The following RORA variants were observed in gnomAD, a reference collection of about 807,000 sequenced individuals.
RORA encodes nuclear receptor ROR-alpha.
Under a neutral mutation model 69.5 loss-of-function variants are expected in RORA, and 7 were observed. That is an observed-to-expected ratio of 0.10 (90% CI 0.06 to 0.19). The LOEUF is 0.19. Ranked by LOEUF, RORA falls within the 10% of genes least tolerant of loss-of-function variation. RORA has a pLI of 1.00. For missense variants in RORA, 457 were observed against 663.0 expected (o/e 0.69, Z 3.41); for synonymous variants, 261 against 240.8 (o/e 1.08, Z -0.78).
intron 2 of RORA, among the ~76,000 whole-genome samples, chr15:60,655,676 T>C (rs2070211504): frequency 6.6e-6 from 1 of 152,192 alleles, no homozygotes; most frequent in Non-Finnish European, 1.5e-5. Context: ...CTACCTTCTC[T>C]GTCTCTTTGG....
At chr15:60,507,589 T>G (rs1363763685) in intron 5 of RORA, among the ~76,000 whole-genome samples, 1 of 152,114 alleles carries the variant, frequency 6.6e-6, no homozygotes, top group African/African-American at 2.4e-5. Flanking sequence ...AAATTACATG[T>G]CTTAGAATCA....
At chr15:60,676,202 T>A (rs566856004) in intron 2 of RORA, among the ~76,000 whole-genome samples, 1 of 152,194 alleles carries the variant, frequency 6.6e-6, no homozygotes, top group African/African-American at 2.4e-5. Context: ...GTGACTGTTA[T>A]TAGAGAAAAA....
intron 2 of RORA, chr15:60,615,087 C>G (rs930585169): frequency 1.5e-5 from 23 of 1,579,566 alleles, no homozygotes; most frequent in Non-Finnish European, 2.0e-5. Context: ...CTTCCTAGAA[C>G]CTGGTGGTGG....
intron 2 of RORA, among the ~76,000 whole-genome samples, chr15:60,658,452 A>C (rs1050375569): frequency 6.6e-6 from 1 of 152,216 alleles, no homozygotes; most frequent in African/African-American, 2.4e-5. Flanking sequence ...ATTTCTTAGG[A>C]ATCTGATGGA....
At chr15:60,524,643 T>C (rs2066287412) in intron 3 of RORA, among the ~76,000 whole-genome samples, 1 of 152,214 alleles carries the variant, frequency 6.6e-6, no homozygotes, top group Non-Finnish European at 1.5e-5. Flanking sequence ...GTCTACCTTT[T>C]CCAGGGCCTG....
intron 1 of RORA, among the ~76,000 whole-genome samples, chr15:61,170,634 T>C (rs2079577230): frequency 1.3e-5 from 2 of 152,186 alleles, no homozygotes; most frequent in Non-Finnish European, 2.9e-5. Context: ...AAAACCATTA[T>C]GAAAATATAA....
chr15:60,996,997 G>T (rs557405131), intron 1 of RORA, among the ~76,000 whole-genome samples: 19 of 152,062 alleles, frequency 1.2e-4, no homozygotes, highest in African/African-American at 4.6e-4. Flanking sequence ...AGTCCACAGT[G>T]GGTCAAAAAT....
chr15:60,581,350 G>C (rs181925437), intron 2 of RORA, among the ~76,000 whole-genome samples: 8 of 152,122 alleles, frequency 5.3e-5, no homozygotes, highest in Non-Finnish European at 1.0e-4. Flanking sequence ...TCTGTTTTAC[G>C]AGATTTTGCT....
rs1479522444 is a variant in RORA at position 60,550,888 on chromosome 15, A to G, written c.197-19037T>C. The stretch of plus-strand genomic sequence containing the variant: ...TACCACAATTAAAGAAAACAAAAAG[A>G]AACATTTTGCATAACTGCTGGTTTT... On this transcript the variant is annotated intron_variant, in intron 2 of 10. Transcript: ENST00000335670. Among the ~76,000 whole-genome samples the G allele has an allele frequency of 1.3e-5, 2 of 152,250 alleles. 1 individual carries two copies. The highest frequency in any genetic ancestry group is 2.9e-5 in the Non-Finnish European group (2 of 68,046).
At chr15:60,898,219 A>C (rs1266562047) in intron 1 of RORA, among the ~76,000 whole-genome samples, 1 of 152,198 alleles carries the variant, frequency 6.6e-6, no homozygotes, top group Non-Finnish European at 1.5e-5. Flanking sequence ...AATAAGATTC[A>C]AACTGAGTTC....
intron 1 of RORA, chr15:60,706,135 A>C (rs1210143242): frequency 6.6e-6 from 1 of 152,188 alleles, no homozygotes; most frequent in African/African-American, 2.4e-5. Context: ...TTGAGCAAAA[A>C]AACAGGATCG....
intron 2 of RORA, among the ~76,000 whole-genome samples, chr15:60,542,453 G>A (rs111898479): frequency 7.2e-6 from 1 of 138,050 alleles, no homozygotes; most frequent in South Asian, 2.1e-4. Context: ...ACAGCACACA[G>A]GCACACCTCA....
At chr15:60,873,872 A>G (rs1315079114) in intron 1 of RORA, among the ~76,000 whole-genome samples, 2 of 152,236 alleles carry the variant, frequency 1.3e-5, no homozygotes, top group Non-Finnish European at 2.9e-5. Context: ...CAGGGAATTT[A>G]TCTTTCACAT....
intron 2 of RORA, among the ~76,000 whole-genome samples, chr15:60,644,164 A>G (rs1457505059): frequency 1.3e-5 from 2 of 152,234 alleles, no homozygotes; most frequent in Non-Finnish European, 2.9e-5. Flanking sequence ...TACAGGCAGC[A>G]TGAGGGAGAG....
intron 3 of RORA, among the ~76,000 whole-genome samples, chr15:60,524,340 C>T (rs748219451): frequency 3.3e-5 from 5 of 152,182 alleles, no homozygotes; most frequent in Non-Finnish European, 5.9e-5. Flanking sequence ...CTGATCAAGT[C>T]ACTTCTCTGC....
At chr15:61,013,247 C>T (rs184966473) in intron 1 of RORA, among the ~76,000 whole-genome samples, 2 of 152,354 alleles carry the variant, frequency 1.3e-5, no homozygotes, top group Admixed American at 6.5e-5. Context: ...CAGCTCGTCA[C>T]ATCTTCTTGT....
chr15:60,542,363 G>A (rs185081427), intron 2 of RORA, among the ~76,000 whole-genome samples: 7,355 of 150,344 alleles, frequency 0.049, 625 homozygotes, highest in African/African-American at 0.17. Context: ...CATGCACACC[G>A]TATGCTCACA....
chr15:60,990,257 A>C, intron 1 of RORA, among the ~76,000 whole-genome samples: 1 of 152,178 alleles, frequency 6.6e-6, no homozygotes, highest in South Asian at 2.1e-4. Flanking sequence ...AATTAATAGT[A>C]TAAAAGTGTT....
intron 2 of RORA, among the ~76,000 whole-genome samples, chr15:60,668,778 C>T (rs1344181665): frequency 2.6e-5 from 4 of 152,140 alleles, no homozygotes; most frequent in African/African-American, 9.7e-5. Context: ...AGACTAAGAA[C>T]ACGCAGCCAA....
Sources: allele counts gnomAD v4.1 joint callset (sites outside exome capture counted in the v4.1 genomes callset), GRCh38; gene constraint gnomAD v4.1.1; transcripts MANE v1.5; gene names NCBI Gene and HGNC (gene_info 2026-07-23, HGNC 2026-07-21).